PRUNE1: variants seen among roughly 807,000 people sequenced by gnomAD.
PRUNE1 encodes exopolyphosphatase PRUNE1.
In PRUNE1, 25 loss-of-function variants were observed where a neutral mutation model predicts 42.5. That is an observed-to-expected ratio of 0.59 (90% CI 0.43 to 0.82). The LOEUF (loss-of-function observed/expected upper bound fraction) is 0.82, where lower values mean the gene tolerates loss of function less well. Among genes scored for constraint, PRUNE1 ranks in the 40% least tolerant of loss-of-function variants. The probability of loss-of-function intolerance (pLI) is 0.00; values close to 1 mark genes in which losing one functional copy is unlikely to be tolerated. For synonymous variants in PRUNE1, 203 were observed against 217.1 expected (o/e 0.93, Z 0.57); for missense variants, 443 against 539.3 (o/e 0.82, Z 1.77).
chr1:151,020,719 T>G (rs587723701), intron 3 of PRUNE1, among the ~76,000 whole-genome samples: 9 of 151,902 alleles, frequency 5.9e-5, no homozygotes, highest in Non-Finnish European at 1.3e-4. Flanking sequence ...CGGTGGCTCA[T>G]GCCTGTAATC....
intron 1 of PRUNE1, among the ~76,000 whole-genome samples, chr1:151,015,327 C>A (rs1238977193): frequency 8.3e-6 from 1 of 119,996 alleles, no homozygotes; most frequent in Non-Finnish European, 1.7e-5. Flanking sequence ...AGTGAGACTC[C>A]ATCTGAAAAA....
intron 7 of PRUNE1, among the ~76,000 whole-genome samples, chr1:151,029,613 C>T (rs587633393): frequency 9.9e-5 from 15 of 151,672 alleles, no homozygotes; most frequent in Admixed American, 5.9e-4. Context: ...GTGATCCGCC[C>T]GCCTTGGCCT....
intron 1 of PRUNE1, 39 bp from the exon 2 acceptor site, chr1:151,017,773 A>C: frequency 7.8e-7 from 1 of 1,274,148 alleles, no homozygotes; most frequent in Non-Finnish European, 1.1e-6. Flanking sequence ...AAATGAATAG[A>C]GATACTTTTG....
Position 151,021,586 on chromosome 1 carries a change from T to C in PRUNE1, c.335+2917T>C, listed in dbSNP as rs184966943. ...AAAAAAGCAACACGATTATGTGACT[T>C]TCCTAAGTCTGTTTGGCTCCTGCTA... On this transcript the variant is annotated intron_variant, in intron 3 of 7. Coordinates refer to ENST00000271620, the MANE Select transcript of PRUNE1 (RefSeq NM_021222.3). 2.4e-4 allele frequency among the ~76,000 whole-genome samples: 36 copies of C among 152,324 alleles called. 1 individual carries two copies. The East Asian group carries it at 5.0e-3, about 21-fold the overall frequency.
intron 3 of PRUNE1, among the ~76,000 whole-genome samples, chr1:151,023,559 A>T (rs2102922879): frequency 6.6e-6 from 1 of 151,702 alleles, no homozygotes; most frequent in East Asian, 2.0e-4. Context: ...CTCTACTAAA[A>T]ATACAAAAAT....
At chr1:151,020,014 C>T (rs1403695862) in intron 3 of PRUNE1, among the ~76,000 whole-genome samples, 1 of 148,886 alleles carries the variant, frequency 6.7e-6, no homozygotes, top group Non-Finnish European at 1.5e-5. Context: ...ATATTTTTTA[C>T]TGGAGACAGG....
intron 3 of PRUNE1, among the ~76,000 whole-genome samples, chr1:151,021,828 G>A (rs1674460111): frequency 6.6e-6 from 1 of 150,952 alleles, no homozygotes; most frequent in Non-Finnish European, 1.5e-5. Context: ...TTTTGTGTGT[G>A]TGTGTGTGTG....
chr1:151,014,683 A>C (rs938634608), intron 1 of PRUNE1, among the ~76,000 whole-genome samples: 1 of 152,150 alleles, frequency 6.6e-6, no homozygotes, highest in South Asian at 2.1e-4. Flanking sequence ...GAGTCTAGCA[A>C]ATCTTCCCTG....
intron 7 of PRUNE1, among the ~76,000 whole-genome samples, chr1:151,030,133 G>A (rs1323532421): frequency 3.3e-5 from 5 of 151,812 alleles, no homozygotes; most frequent in African/African-American, 7.3e-5. Flanking sequence ...GTGGTGGTGC[G>A]TGCCTATAGT....
intron 7 of PRUNE1, among the ~76,000 whole-genome samples, chr1:151,033,381 G>A (rs1221263550): frequency 1.4e-5 from 2 of 142,478 alleles, no homozygotes; most frequent in East Asian, 2.1e-4. Flanking sequence ...CACCGCGCCC[G>A]GCTGACTTAC....
intron 7 of PRUNE1, 117 bp from the exon 8 acceptor site, chr1:151,033,689 C>A: frequency 1.9e-6 from 2 of 1,043,334 alleles, no homozygotes; most frequent in Non-Finnish European, 2.8e-6. Flanking sequence ...CGCACCCCGC[C>A]CGGCCGACTT....
At position 151,015,071 on chromosome 1, in the gene PRUNE1, T is replaced by G. The variant is rs193148576; in HGVS notation, c.40-2741T>G. ...GGCTGGGCGTGGTGGCTCACGCCTGTAATCCCAACACTTGGGGAAGCTGAG... is the reference window on the plus strand; with the variant it reads ...GGCTGGGCGTGGTGGCTCACGCCTGGAATCCCAACACTTGGGGAAGCTGAG... On this transcript the variant is annotated intron_variant, in intron 1 of 7. Coordinates refer to ENST00000271620, the MANE Select transcript of PRUNE1 (RefSeq NM_021222.3). Among the ~76,000 whole-genome samples, 530 of 152,308 alleles carry G rather than the reference T, an allele frequency of 3.5e-3. 3 individuals are homozygous for G. Among genetic ancestry groups the G allele is most frequent in the South Asian group, 8.1e-3 (39 of 4,828 alleles).
At position 151,017,823 on chromosome 1, in the gene PRUNE1, T is replaced by C; in HGVS notation, c.51T>C (p.Pro17=). The change falls in exon 2 of 8, where the codon CCT becomes CCC. Residue 17 remains proline (P), a synonymous_variant. Transcript: ENST00000271620. ...TCCTTTCTCTCCAGGAGTCCCGACC[T>C]CTACATGTTGTGCTGGGAAATGAAG... ...GCRAALQESR[P]LHVVLGNEAC... 1.3e-6 allele frequency: 2 copies of C among 1,594,034 alleles called. No homozygotes were observed. Among genetic ancestry groups the C allele is most frequent in the Non-Finnish European group, 8.6e-7 (1 of 1,162,090 alleles).
At chr1:151,030,631 G>A (rs750077912) in intron 7 of PRUNE1, among the ~76,000 whole-genome samples, 4 of 152,012 alleles carry the variant, frequency 2.6e-5, no homozygotes, top group Non-Finnish European at 5.9e-5. Context: ...GACTACAGGC[G>A]CCTGCCACCA....
Position 151,008,744 on chromosome 1 carries a change from G to A in PRUNE1, c.39+73G>A, listed in dbSNP as rs1482201071. ...GGAAGGACGAAGACGTGGGATCTGG[G>A]GGAGCCTCGACGGTCCGTGTGGAGG... On this transcript the variant is annotated intron_variant, in intron 1 of 7. Transcript: ENST00000271620. 3 of 1,577,876 alleles carry A rather than the reference G, an allele frequency of 1.9e-6. No homozygotes were observed. In the African/African-American group the frequency reaches 4.1e-5, roughly 21 times the overall value.
At position 151,035,564 on chromosome 1, in the gene PRUNE1, G is replaced by T. The variant is rs1439842403; in HGVS notation, c.*1330G>T. 3 of 152,650 alleles carry T rather than the reference G, an allele frequency of 2.0e-5. No homozygotes were observed. Among genetic ancestry groups the T allele is most frequent in the African/African-American group, 7.2e-5 (3 of 41,450 alleles). The allele number at this position is 152,650 out of a possible 1,614,324, so 9.5% of individuals were successfully genotyped here. On this transcript the variant is annotated 3_prime_UTR_variant, in exon 8 of 8. Coordinates refer to ENST00000271620, the MANE Select transcript of PRUNE1 (RefSeq NM_021222.3). ...GGCATGACATCTTCAGTATGAGGGGGACAGTTTGACTTCACTTTGAGGGTG... is the reference window on the plus strand; with the variant it reads ...GGCATGACATCTTCAGTATGAGGGGTACAGTTTGACTTCACTTTGAGGGTG...
In PRUNE1 at chr1:151,008,977, C is replaced by G. The variant is rs1246819743; in HGVS notation, c.39+306C>G. On this transcript the variant is annotated intron_variant, in intron 1 of 7. Transcript: ENST00000271620. ...AGCCTCTGCTTGCTGTCATCTTGGTCAGTTCCATCAAAAAAACCAGGACTG... is the reference window on the plus strand; with the variant it reads ...AGCCTCTGCTTGCTGTCATCTTGGTGAGTTCCATCAAAAAAACCAGGACTG... 25 of 546,046 alleles carry G rather than the reference C, an allele frequency of 4.6e-5. No homozygotes were observed. In the Admixed American group the frequency reaches 5.1e-4, roughly 11 times the overall value. 33.8% of individuals were successfully genotyped at this position (546,046 alleles called of 1,614,324 possible).
rs769528628 is a variant in PRUNE1, at chr1:151,024,781, C to T, written c.506C>T (p.Ala169Val). ...GAPEILDRQT[A>V]ALLHGTIILD... Reference sequence around the variant, plus strand: ...CCAGAGATCTTGGACAGGCAAACTGCAGCCCTTCTGCATGGTAAGGGTGGC... The same window carrying T: ...CCAGAGATCTTGGACAGGCAAACTGTAGCCCTTCTGCATGGTAAGGGTGGC... Residue 169 changes from alanine (A) to valine (V), a missense_variant, in exon 4 of 8, where the codon GCA (alanine) becomes GTA (valine). Transcript: ENST00000271620. 14 of 1,612,526 alleles carry T rather than the reference C, an allele frequency of 8.7e-6. No individual in the cohort carries two copies. Among genetic ancestry groups the T allele is most frequent in the Non-Finnish European group, 1.1e-5 (13 of 1,179,318 alleles).
intron 5 of PRUNE1, among the ~76,000 whole-genome samples, 175 bp downstream of exon 5, chr1:151,025,848 C>A (rs1489962297): frequency 6.6e-6 from 1 of 151,698 alleles, no homozygotes; most frequent in Non-Finnish European, 1.5e-5. Context: ...TCAAGCGATT[C>A]TCCTGCCTCA....
Sources: gnomAD v4.1 joint callset for allele counts (sites outside exome capture counted in the v4.1 genomes callset) on GRCh38, gnomAD v4.1.1 for gene constraint, MANE v1.5 for transcripts, NCBI Gene and HGNC (gene_info 2026-07-23, HGNC 2026-07-21) for gene names.